The following DPP6 variants were observed in gnomAD, a reference collection of about 807,000 sequenced individuals.
DPP6 encodes the protein A-type potassium channel modulatory protein DPP6.
Under a neutral mutation model 122.6 loss-of-function variants are expected in DPP6, and 69 were observed. The observed-to-expected ratio is 0.56, with a 90% CI of 0.46 to 0.69. The LOEUF is 0.69. Among genes scored for constraint, DPP6 ranks in the 30% least tolerant of loss-of-function variants. DPP6 has a pLI of 0.00. For missense variants in DPP6, 928 were observed against 1,116.9 expected (o/e 0.83, Z 2.41); for synonymous variants, 418 against 433.1 (o/e 0.97, Z 0.43).
chr7:153,860,230 A>G, the DPP6 span, among the ~76,000 whole-genome samples: 3 of 152,190 alleles, frequency 2.0e-5, no homozygotes, highest in Admixed American at 1.3e-4. Context: ...TTTAAATTTC[A>G]AGTACTTTGA....
the DPP6 span, among the ~76,000 whole-genome samples, chr7:153,866,490 T>G: frequency 1.3e-5 from 2 of 152,214 alleles, no homozygotes; most frequent in Admixed American, 6.5e-5. Context: ...GCCCACTTTT[T>G]GATGGGGTTG....
chr7:154,867,179 G>A (rs186512339), intron 17 of DPP6, among the ~76,000 whole-genome samples: 59 of 152,302 alleles, frequency 3.9e-4, no homozygotes, highest in Non-Finnish European at 7.1e-4. Flanking sequence ...CCCATGTGTA[G>A]GCTTAGTGTG....
the DPP6 span, among the ~76,000 whole-genome samples, chr7:153,806,258 A>C: frequency 6.6e-6 from 1 of 151,922 alleles, no homozygotes; most frequent in East Asian, 1.9e-4. Flanking sequence ...AATCTTACAG[A>C]GTCTCTGTTC....
At chr7:153,942,068 G>C (rs765866177) in intron 1 of DPP6, among the ~76,000 whole-genome samples, 3 of 152,246 alleles carry the variant, frequency 2.0e-5, no homozygotes, top group Admixed American at 1.3e-4. Flanking sequence ...AGCTGCTCCA[G>C]TGTGGAATGG....
At chr7:154,155,993 T>C (rs1052589758) in intron 1 of DPP6, among the ~76,000 whole-genome samples, 5 of 152,182 alleles carry the variant, frequency 3.3e-5, no homozygotes, top group African/African-American at 1.2e-4. Flanking sequence ...TCCTTCAGAG[T>C]TCTAAGCTCC....
chr7:154,407,752 T>C (rs1205881937), intron 1 of DPP6, among the ~76,000 whole-genome samples: 1 of 152,186 alleles, frequency 6.6e-6, no homozygotes, highest in African/African-American at 2.4e-5. Context: ...GAGGAGCATG[T>C]GAATTCCAGG....
chr7:154,375,621 C>T (rs183782744), intron 1 of DPP6, among the ~76,000 whole-genome samples: 1 of 152,124 alleles, frequency 6.6e-6, no homozygotes, highest in Non-Finnish European at 1.5e-5. Context: ...ATCCAATGTA[C>T]AGACTCAGTG....
intron 1 of DPP6, among the ~76,000 whole-genome samples, chr7:154,219,807 G>A (rs755641177): frequency 1.1e-4 from 16 of 152,054 alleles, no homozygotes; most frequent in Non-Finnish European, 2.1e-4. Context: ...GGCTGGTCTC[G>A]AACTCCTGAC....
In DPP6 at chr7:154,377,666, C is replaced by T. The variant is rs186646665; in HGVS notation, c.244-68548C>T. On this transcript the variant is annotated intron_variant, in intron 1 of 25. Coordinates refer to ENST00000377770, the MANE Select transcript of DPP6 (RefSeq NM_130797.4). ...ACCCTCCTGCTTCACTGTGGTAAGACGTGCCTTGCTTCCCCTTCACCTTCC... is the reference window on the plus strand; with the variant it reads ...ACCCTCCTGCTTCACTGTGGTAAGATGTGCCTTGCTTCCCCTTCACCTTCC... 3.7e-4 allele frequency among the ~76,000 whole-genome samples: 57 copies of T among 152,228 alleles called. 1 individual carries two copies. The Middle Eastern group carries it at 0.01, about 27-fold the overall frequency.
chr7:154,529,368 A>G (rs905867170), intron 3 of DPP6, among the ~76,000 whole-genome samples: 1 of 152,250 alleles, frequency 6.6e-6, no homozygotes, highest in African/African-American at 2.4e-5. Flanking sequence ...GCTGCTACCC[A>G]AGAAACAAAC....
chr7:154,233,856 G>T (rs79572429), intron 1 of DPP6, among the ~76,000 whole-genome samples: 13,242 of 152,220 alleles, frequency 0.087, 724 homozygotes, highest in African/African-American at 0.15. Context: ...AGTAAAAAGA[G>T]AAGCGAAGCA....
chr7:154,108,946 T>G (rs1325787550), intron 1 of DPP6, among the ~76,000 whole-genome samples: 4 of 152,244 alleles, frequency 2.6e-5, no homozygotes, highest in African/African-American at 4.8e-5. Flanking sequence ...AAAATGTTCT[T>G]TTTCCTTTTT....
chr7:153,873,590 TA>T, the DPP6 span, among the ~76,000 whole-genome samples: 1 of 152,186 alleles, frequency 6.6e-6, no homozygotes, highest in East Asian at 1.9e-4. Context: ...TGAGAGCTTT[TA>T]AAAGATGGTT....
chr7:153,764,564 G>T, the DPP6 span, among the ~76,000 whole-genome samples: 1,104 of 152,116 alleles, frequency 7.3e-3, 5 homozygotes, highest in African/African-American at 0.024. Flanking sequence ...CTCTGGATGT[G>T]ACAAATACAC....
chr7:153,821,952 T>C, the DPP6 span, among the ~76,000 whole-genome samples: 1 of 152,150 alleles, frequency 6.6e-6, no homozygotes, highest in Non-Finnish European at 1.5e-5. Flanking sequence ...GCTGGGGACC[T>C]ACAGCGCAAG....
intron 17 of DPP6, among the ~76,000 whole-genome samples, chr7:154,866,672 C>T (rs1374572055): frequency 1.3e-5 from 2 of 152,250 alleles, no homozygotes; most frequent in African/African-American, 2.4e-5. Flanking sequence ...GGTCTAACGT[C>T]AGATTTGTTA....
rs1834876079 is a variant in DPP6, at chr7:154,623,655, G to GCGCGCA, written c.628-14165_628-14164insGCGCAC. Among the ~76,000 whole-genome samples, 6 of 23,526 alleles carry GCGCGCA rather than the reference G, an allele frequency of 2.6e-4. No individual in the cohort carries two copies. In the South Asian group the frequency reaches 4.0e-3, roughly 16 times the overall value. 15.4% of individuals were successfully genotyped at this position (23,526 alleles called of 152,430 possible). ...TGCGTGCACACACGCGCACACACGC[G>GCGCGCA]CACACACACGCACACACACACGCAC... On this transcript the variant is annotated intron_variant, in intron 5 of 25. Transcript: ENST00000377770.
chr7:154,769,912 G>A (rs1034719295), intron 9 of DPP6, among the ~76,000 whole-genome samples: 35 of 152,268 alleles, frequency 2.3e-4, no homozygotes, highest in African/African-American at 8.2e-4. Flanking sequence ...TTTGGCCTCT[G>A]GGAAGGCAGA....
intron 1 of DPP6, among the ~76,000 whole-genome samples, chr7:154,040,522 T>A (rs930727615): frequency 2.0e-5 from 3 of 148,322 alleles, no homozygotes; most frequent in African/African-American, 7.9e-5. Context: ...CCCTGCCTTA[T>A]ATAAACAAGG....
Sources: allele counts gnomAD v4.1 joint callset (sites outside exome capture counted in the v4.1 genomes callset), GRCh38; gene constraint gnomAD v4.1.1; transcripts MANE v1.5; gene names NCBI Gene and HGNC (gene_info 2026-07-23, HGNC 2026-07-21).